The following RERG variants were observed in gnomAD, a reference collection of about 807,000 sequenced individuals.
RERG encodes ras-related and estrogen-regulated growth inhibitor.
In RERG, 25 loss-of-function variants were observed where a neutral mutation model predicts 23.2. The observed-to-expected ratio is 1.08, with a 90% confidence interval of 0.79 to 1.50. RERG has a LOEUF of 1.50. Ranked by LOEUF, RERG falls within the 40% of genes most tolerant of loss-of-function variation. The pLI is 0.00. For missense variants in RERG, 253 were observed against 250.1 expected (o/e 1.01, Z -0.08); for synonymous variants, 81 against 89.1 (o/e 0.91, Z 0.51).
At chr12:15,185,518 G>A (rs1415895036) in intron 2 of RERG, among the ~76,000 whole-genome samples, 1 of 152,112 alleles carries the variant, frequency 6.6e-6, no homozygotes, top group Non-Finnish European at 1.5e-5. Flanking sequence ...CTCAGTTAGT[G>A]TCAAGAAACA....
At chr12:15,193,415 T>C (rs977078440) in intron 2 of RERG, among the ~76,000 whole-genome samples, 1 of 152,192 alleles carries the variant, frequency 6.6e-6, no homozygotes, top group Non-Finnish European at 1.5e-5. Context: ...AGCACTTCCT[T>C]ACTTTCAGAC....
chr12:15,155,892 T>C (rs758419288), intron 2 of RERG, among the ~76,000 whole-genome samples: 42 of 151,430 alleles, frequency 2.8e-4, no homozygotes, highest in Non-Finnish European at 5.2e-4. Context: ...ATATAAAATA[T>C]ATGTCATTAC....
intron 2 of RERG, among the ~76,000 whole-genome samples, chr12:15,203,579 T>C (rs1384729482): frequency 6.6e-6 from 1 of 151,398 alleles, no homozygotes; most frequent in African/African-American, 2.4e-5. Flanking sequence ...GAGTAACTAA[T>C]CAAGAAAAAG....
chr12:15,183,074 C>T (rs1365844567), intron 2 of RERG, among the ~76,000 whole-genome samples: 1 of 151,910 alleles, frequency 6.6e-6, no homozygotes, highest in African/African-American at 2.4e-5. Context: ...GAGAGAGACC[C>T]TGGCCGAAAA....
intron 3 of RERG, among the ~76,000 whole-genome samples, chr12:15,114,244 T>A (rs1385317095): frequency 6.6e-6 from 1 of 151,156 alleles, no homozygotes; most frequent in Non-Finnish European, 1.5e-5. Flanking sequence ...CCAAAAAAAA[T>A]GAGATAAAAA....
chr12:15,132,445 A>G (rs76762523), intron 2 of RERG, among the ~76,000 whole-genome samples: 6,809 of 152,316 alleles, frequency 0.045, 222 homozygotes, highest in African/African-American at 0.076. Flanking sequence ...CAGTAACTAA[A>G]TGAAGAACAT....
At chr12:15,208,319 G>A (rs924476192) in intron 2 of RERG, among the ~76,000 whole-genome samples, 1 of 152,114 alleles carries the variant, frequency 6.6e-6, no homozygotes, top group Non-Finnish European at 1.5e-5. Flanking sequence ...TTGTGCAAAG[G>A]TGGATGTGCA....
At chr12:15,121,306 A>G (rs937466432) in intron 2 of RERG, among the ~76,000 whole-genome samples, 187 bp from the exon 3 acceptor site, 4 of 152,214 alleles carry the variant, frequency 2.6e-5, no homozygotes, top group Non-Finnish European at 5.9e-5. Context: ...TGGCCAAAAA[A>G]CCATTGTAAT....
Position 15,109,464 on chromosome 12 carries a change from C to T in RERG, c.246G>A (p.Leu82=). 1 of 1,613,552 alleles carries T rather than the reference C, an allele frequency of 6.2e-7. No homozygotes were observed. The highest frequency in any genetic ancestry group is 8.5e-7 in the Non-Finnish European group (1 of 1,179,718). Residue 82 remains leucine, a synonymous_variant, in exon 5 of 5, where the codon CTG becomes CTA. Coordinates refer to ENST00000256953, the MANE Select transcript of RERG (RefSeq NM_032918.3). ...GHMRWGEGFV[L]VYDITDRGSF... is the part of the protein sequence containing the mutation. ...TTCCTCGGTCAGTAATGTCGTAGAC[C>T]AGCACAAAGCCTTCCCCCCATCGCA...
At chr12:15,159,078 C>A (rs1864565534) in intron 2 of RERG, among the ~76,000 whole-genome samples, 1 of 152,164 alleles carries the variant, frequency 6.6e-6, no homozygotes, top group South Asian at 2.1e-4. Flanking sequence ...CTTGTCATTT[C>A]TTCTACATTT....
At chr12:15,198,359 G>A (rs1367967626) in intron 2 of RERG, among the ~76,000 whole-genome samples, 1 of 152,080 alleles carries the variant, frequency 6.6e-6, no homozygotes, top group Admixed American at 6.6e-5. Flanking sequence ...TCTTCAGGAT[G>A]TTGGTCAGCT....
At chr12:15,121,711 C>T (rs763669833) in intron 2 of RERG, among the ~76,000 whole-genome samples, 4 of 152,172 alleles carry the variant, frequency 2.6e-5, no homozygotes, top group Admixed American at 6.5e-5. Context: ...TCAATCCTCA[C>T]GTCATCTTTA....
intron 2 of RERG, among the ~76,000 whole-genome samples, chr12:15,212,052 T>C (rs1179663327): frequency 8.5e-6 from 1 of 117,316 alleles, no homozygotes; most frequent in Non-Finnish European, 1.9e-5. Flanking sequence ...CTTTTTTTTT[T>C]TTTTTTTTTT....
At chr12:15,139,755 G>A (rs1864204385) in intron 2 of RERG, among the ~76,000 whole-genome samples, 1 of 152,024 alleles carries the variant, frequency 6.6e-6, no homozygotes, top group Non-Finnish European at 1.5e-5. Context: ...CATATCATTT[G>A]TGAACAAAGA....
intron 2 of RERG, among the ~76,000 whole-genome samples, chr12:15,171,779 C>T (rs1237073218): frequency 6.6e-6 from 1 of 152,074 alleles, no homozygotes; most frequent in East Asian, 1.9e-4. Flanking sequence ...AGGAAAAGAA[C>T]ATTGACATAC....
chr12:15,171,562 A>T (rs1297380313), intron 2 of RERG, among the ~76,000 whole-genome samples: 1 of 152,182 alleles, frequency 6.6e-6, no homozygotes, highest in Non-Finnish European at 1.5e-5. Context: ...GCTTAGTATG[A>T]CTGTGATTAG....
intron 2 of RERG, among the ~76,000 whole-genome samples, chr12:15,196,016 A>T (rs1865138988): frequency 6.6e-6 from 1 of 152,106 alleles, no homozygotes. Context: ...CCCATCCAAA[A>T]CAATACCCCA....
intron 2 of RERG, among the ~76,000 whole-genome samples, chr12:15,185,380 A>G (rs1864975800): frequency 6.6e-6 from 1 of 152,104 alleles, no homozygotes; most frequent in South Asian, 2.1e-4. Context: ...CAGGGGACTC[A>G]GAAACTCACA....
chr12:15,154,051 C>T (rs11056375), intron 2 of RERG, among the ~76,000 whole-genome samples: 49,916 of 151,816 alleles, frequency 0.33, 8,253 homozygotes, highest in Middle Eastern at 0.49. Flanking sequence ...GGGAACAGAT[C>T]CTCCCTTACA....
Sources: allele counts gnomAD v4.1 joint callset (sites outside exome capture counted in the v4.1 genomes callset), GRCh38; gene constraint gnomAD v4.1.1; transcripts MANE v1.5; gene names NCBI Gene and HGNC (gene_info 2026-07-23, HGNC 2026-07-21).